Variants in TAFA1 observed in about 807,000 individuals in gnomAD.
TAFA1 encodes the protein chemokine-like protein TAFA-1.
TAFA1 carries 4 observed loss-of-function variants against 18.5 expected under a neutral mutation model. The observed-to-expected ratio is 0.22, with a 90% CI of 0.11 to 0.49. The LOEUF is 0.49. Ranked by LOEUF, TAFA1 falls within the 20% of genes least tolerant of loss-of-function variation. The probability of loss-of-function intolerance (pLI) is 0.98; values close to 1 mark genes in which losing one functional copy is unlikely to be tolerated. For synonymous variants in TAFA1, 56 were observed against 55.2 expected (o/e 1.01, Z -0.06); for missense variants, 147 against 169.0 (o/e 0.87, Z 0.72).
At chr3:68,080,312 C>T (rs2064880370) in intron 2 of TAFA1, among the ~76,000 whole-genome samples, 2 of 152,128 alleles carry the variant, frequency 1.3e-5, no homozygotes, top group South Asian at 4.2e-4. Flanking sequence ...AGTCCATTTA[C>T]ATTTCAAGTT....
chr3:68,357,482 G>T (rs531954063), intron 2 of TAFA1, among the ~76,000 whole-genome samples: 1 of 151,846 alleles, frequency 6.6e-6, no homozygotes, highest in South Asian at 2.1e-4. Context: ...TTTGGCTGCC[G>T]TTTAATTCCT....
intron 2 of TAFA1, among the ~76,000 whole-genome samples, chr3:68,049,754 A>G (rs931469347): frequency 2.0e-5 from 3 of 152,060 alleles, no homozygotes; most frequent in African/African-American, 4.8e-5. Context: ...TGCCATCATA[A>G]CAGAAGCTCT....
At chr3:68,286,301 G>T (rs2068004830) in intron 2 of TAFA1, among the ~76,000 whole-genome samples, 1 of 151,958 alleles carries the variant, frequency 6.6e-6, no homozygotes. Context: ...GTGAGCTGAG[G>T]GGTGAGTTAA....
intron 2 of TAFA1, among the ~76,000 whole-genome samples, chr3:68,360,967 C>T (rs147588357): frequency 9.2e-5 from 14 of 151,978 alleles, no homozygotes; most frequent in Admixed American, 5.2e-4. Context: ...TCTGTTTTGA[C>T]GATGGATAAA....
At chr3:68,248,401 G>C (rs779157293) in intron 2 of TAFA1, among the ~76,000 whole-genome samples, 1 of 152,082 alleles carries the variant, frequency 6.6e-6, no homozygotes, top group Non-Finnish European at 1.5e-5. Flanking sequence ...ACTTCAATTT[G>C]CCTTAGGCTT....
At chr3:68,247,281 T>G (rs1463566813) in intron 2 of TAFA1, 1 of 152,184 alleles carries the variant, frequency 6.6e-6, no homozygotes, top group Non-Finnish European at 1.5e-5. Context: ...GGAATTTTCC[T>G]ATTTTTCTCA....
chr3:68,154,124 T>G (rs770616115), intron 2 of TAFA1, among the ~76,000 whole-genome samples: 12 of 152,176 alleles, frequency 7.9e-5, no homozygotes, highest in Non-Finnish European at 1.5e-4. Flanking sequence ...TTTCATTTGG[T>G]GTTCAGGGAT....
intron 2 of TAFA1, among the ~76,000 whole-genome samples, chr3:68,227,145 G>GT (rs61595117): frequency 0.13 from 19,585 of 150,796 alleles, 1,485 homozygotes; most frequent in Admixed American, 0.22. Flanking sequence ...CAAAATGTCT[G>GT]TTTTTTTTTG....
At chr3:68,303,615 AT>A (rs1037016054) in intron 2 of TAFA1, among the ~76,000 whole-genome samples, 10 of 151,768 alleles carry the variant, frequency 6.6e-5, no homozygotes, top group African/African-American at 1.5e-4. Context: ...CGTCCAGCTA[AT>A]TTTTTTGTAT....
chr3:68,530,591 A>G (rs1384615745), intron 3 of TAFA1, among the ~76,000 whole-genome samples: 1 of 152,230 alleles, frequency 6.6e-6, no homozygotes, highest in African/African-American at 2.4e-5. Context: ...CACTTCAGAT[A>G]AGAGAAGCTG....
intron 2 of TAFA1, among the ~76,000 whole-genome samples, chr3:68,296,576 A>G (rs1476618117): frequency 3.1e-4 from 1 of 3,266 alleles, no homozygotes; most frequent in African/African-American, 2.2e-3. Context: ...TACTTACTCA[A>G]AAAAAAAAAA....
chr3:68,076,134 A>G (rs1160558067), intron 2 of TAFA1, among the ~76,000 whole-genome samples: 1 of 152,180 alleles, frequency 6.6e-6, no homozygotes, highest in Non-Finnish European at 1.5e-5. Context: ...TCTTGGTGAA[A>G]GTTGAATGGA....
intron 2 of TAFA1, among the ~76,000 whole-genome samples, chr3:68,248,228 G>T (rs1261236289): frequency 6.6e-6 from 1 of 152,162 alleles, no homozygotes; most frequent in Non-Finnish European, 1.5e-5. Context: ...TAACCTTTAT[G>T]CAGTGGCAAT....
intron 2 of TAFA1, among the ~76,000 whole-genome samples, chr3:68,167,806 G>T (rs928506421): frequency 2.8e-4 from 43 of 152,188 alleles, no homozygotes; most frequent in African/African-American, 9.9e-4. Context: ...TTCCAAGATA[G>T]GGTGGAGGCT....
intron 2 of TAFA1, among the ~76,000 whole-genome samples, chr3:68,112,016 G>A (rs2065268491): frequency 6.6e-6 from 1 of 152,062 alleles, no homozygotes. Context: ...ATTATCAGGA[G>A]TAGAAGTTCA....
intron 2 of TAFA1, among the ~76,000 whole-genome samples, chr3:68,130,644 T>C (rs1343350344): frequency 6.6e-6 from 1 of 152,166 alleles, no homozygotes; most frequent in African/African-American, 2.4e-5. Flanking sequence ...TCTGGTTCTT[T>C]TCCACTTCTC....
At chr3:68,465,829 T>A (rs2071876752) in intron 3 of TAFA1, among the ~76,000 whole-genome samples, 1 of 152,028 alleles carries the variant, frequency 6.6e-6, no homozygotes, top group South Asian at 2.1e-4. Flanking sequence ...GTCTGTTTGC[T>A]AGGAAATTAT....
intron 2 of TAFA1, among the ~76,000 whole-genome samples, chr3:68,316,837 C>A (rs2068613327): frequency 6.6e-6 from 1 of 152,204 alleles, no homozygotes; most frequent in East Asian, 1.9e-4. Context: ...ACTTCTTGGT[C>A]TACTTTTCTA....
intron 3 of TAFA1, among the ~76,000 whole-genome samples, chr3:68,459,312 A>G (rs2071729833): frequency 6.6e-6 from 1 of 152,156 alleles, no homozygotes; most frequent in African/African-American, 2.4e-5. Flanking sequence ...AAGCAATAAC[A>G]CTATTTTTTA....
Sources: gnomAD v4.1 joint callset for allele counts (sites outside exome capture counted in the v4.1 genomes callset) on GRCh38, gnomAD v4.1.1 for gene constraint, MANE v1.5 for transcripts, NCBI Gene and HGNC (gene_info 2026-07-23, HGNC 2026-07-21) for gene names.